ATP8B1: variants seen among roughly 807,000 people sequenced by gnomAD.
The protein encoded by ATP8B1 is ATPase phospholipid transporting 8B1, also known as phospholipid-transporting ATPase IC.
Under a neutral mutation model 149.9 loss-of-function variants are expected in ATP8B1, and 80 were observed. That is an observed-to-expected ratio of 0.53 (90% CI 0.45 to 0.64). The LOEUF (loss-of-function observed/expected upper bound fraction) is 0.64. Among genes scored for constraint, ATP8B1 ranks in the 30% least tolerant of loss-of-function variants. The pLI, the probability that ATP8B1 is intolerant of heterozygous loss-of-function variation, is 0.00. For synonymous variants in ATP8B1, 536 were observed against 562.8 expected (o/e 0.95, Z 0.67); for missense variants, 1,247 against 1,552.6 (o/e 0.80, Z 3.31).
intron 16 of ATP8B1, among the ~76,000 whole-genome samples, chr18:57,672,980 CATATATAAATACATGT>C (rs1359761643): frequency 7.1e-5 from 3 of 42,404 alleles, no homozygotes; most frequent in East Asian, 1.4e-3. Flanking sequence ...TATATACACA[CATATATAAATACATGT>C]ATATATAAAT....
chr18:57,734,935 CCAAT>C (rs2079831770), intron 1 of ATP8B1, among the ~76,000 whole-genome samples: 1 of 152,150 alleles, frequency 6.6e-6, no homozygotes, highest in African/African-American at 2.4e-5. Flanking sequence ...TCACACCTGA[CCAAT>C]CAGAGAGCTC....
intron 2 of ATP8B1, among the ~76,000 whole-genome samples, chr18:57,724,647 T>C (rs2079686167): frequency 6.8e-6 from 1 of 148,064 alleles, no homozygotes; most frequent in Admixed American, 6.7e-5. Context: ...TTTTACACTG[T>C]TGGTGGGACT....
chr18:57,664,375 C>T (rs412615), intron 20 of ATP8B1, among the ~76,000 whole-genome samples: 59,555 of 150,714 alleles, frequency 0.4, 12,135 homozygotes, highest in East Asian at 0.66. Flanking sequence ...GGCGTGGTGG[C>T]GGTGCCTGTA....
intron 2 of ATP8B1, 91 bp downstream of exon 2, chr18:57,731,536 C>A (rs972949830): frequency 2.8e-6 from 4 of 1,436,874 alleles, no homozygotes; most frequent in Non-Finnish European, 3.9e-6. Context: ...TCCTAGACCA[C>A]GCAAAATAGA....
chr18:57,795,695 AC>A (rs2080508652), intron 1 of ATP8B1, among the ~76,000 whole-genome samples: 1 of 152,162 alleles, frequency 6.6e-6, no homozygotes, highest in South Asian at 2.1e-4. Context: ...GGTTACAGGG[AC>A]CAGGAAATAG....
chr18:57,701,718 C>T (rs1360427128), intron 4 of ATP8B1, among the ~76,000 whole-genome samples: 6 of 147,646 alleles, frequency 4.1e-5, no homozygotes, highest in Middle Eastern at 3.5e-3. Context: ...TTTTTTGAGA[C>T]AGAGTCTCCC....
chr18:57,656,776 G>T (rs1186085464), intron 22 of ATP8B1, among the ~76,000 whole-genome samples: 1 of 149,300 alleles, frequency 6.7e-6, no homozygotes, highest in South Asian at 2.2e-4. Context: ...GGGAGAGAAT[G>T]GGGGGAGAGA....
chr18:57,706,693 C>G (rs761644750), intron 2 of ATP8B1, 106 bp from the exon 3 acceptor site: 8 of 909,714 alleles, frequency 8.8e-6, no homozygotes, highest in Non-Finnish European at 1.2e-5. Context: ...AACCTCCATC[C>G]CTCAGAATGT....
chr18:57,770,611 AG>A, intron 1 of ATP8B1, among the ~76,000 whole-genome samples: 1 of 152,322 alleles, frequency 6.6e-6, no homozygotes, highest in South Asian at 2.1e-4. Flanking sequence ...AATGGGATAG[AG>A]GAGAAGGAGA....
At chr18:57,764,757 CAAAAA>C (rs71171091) in intron 1 of ATP8B1, among the ~76,000 whole-genome samples, 2,202 of 104,180 alleles carry the variant, frequency 0.021, 62 homozygotes, top group African/African-American at 0.072. Flanking sequence ...TTTCAGTTGT[CAAAAA>C]AAAAAAAAAA....
intron 23 of ATP8B1, 118 bp downstream of exon 23, chr18:57,655,076 A>C: frequency 1.1e-6 from 1 of 908,774 alleles, no homozygotes; most frequent in East Asian, 2.6e-5. Context: ...CCCAACTGTA[A>C]GGAGACACAG....
chr18:57,679,993 T>C (rs1334838393), intron 15 of ATP8B1, among the ~76,000 whole-genome samples: 1 of 151,058 alleles, frequency 6.6e-6, no homozygotes, highest in African/African-American at 2.4e-5. Flanking sequence ...ATAAACTACC[T>C]GGCCAGGCAT....
chr18:57,752,207 A>AAATAATAATACTAAT (rs1555653244), intron 1 of ATP8B1, among the ~76,000 whole-genome samples: 1 of 138,308 alleles, frequency 7.2e-6, no homozygotes, highest in Non-Finnish European at 1.5e-5. Flanking sequence ...ACCCTGTCTC[A>AAATAATAATACTAAT]AATAATAATA....
chr18:57,667,735 T>C (rs1352848115), intron 19 of ATP8B1: 1 of 179,174 alleles, frequency 5.6e-6, no homozygotes, highest in Non-Finnish European at 1.2e-5. Context: ...ACTCTGTTAT[T>C]GGCGGGGGGC....
intron 15 of ATP8B1, among the ~76,000 whole-genome samples, chr18:57,677,908 A>C (rs1169944229): frequency 6.6e-6 from 1 of 152,178 alleles, no homozygotes; most frequent in Non-Finnish European, 1.5e-5. Flanking sequence ...CACAAGTAAG[A>C]CACTCATATC....
Position 57,684,082 on chromosome 18 carries a change from G to A in ATP8B1, c.1584C>T (p.Phe528=). ...SGKEPEVRQF[F]FLLAVCHTVM... ...CTGTGTGGCAAACTGCGAGCAAGAA[G>A]AAGAACTGTCGTACTTCTGGCTCTT... The change falls in exon 15 of 28, where the codon TTC becomes TTT. Residue 528 remains phenylalanine (F), a synonymous_variant. Coordinates refer to ENST00000648908, the MANE Select transcript of ATP8B1 (RefSeq NM_001374385.1). 6.2e-7 allele frequency: 1 copy of A among 1,614,104 alleles called. No individual in the cohort carries two copies. The highest frequency in any genetic ancestry group is 8.5e-7 in the Non-Finnish European group (1 of 1,180,014).
intron 1 of ATP8B1, among the ~76,000 whole-genome samples, chr18:57,741,380 C>T (rs552181536): frequency 6.6e-6 from 1 of 152,350 alleles, no homozygotes; most frequent in Non-Finnish European, 1.5e-5. Context: ...TATGGAGAGG[C>T]TCACATGGCA....
chr18:57,668,992 C>T (rs369751758), intron 18 of ATP8B1: 18 of 214,672 alleles, frequency 8.4e-5, no homozygotes, highest in African/African-American at 2.3e-4. Flanking sequence ...TGAATTGTTT[C>T]GGTAATTCCC....
At chr18:57,684,693 A>G (rs1387492077) in intron 14 of ATP8B1, among the ~76,000 whole-genome samples, 2 of 152,136 alleles carry the variant, frequency 1.3e-5, no homozygotes, top group African/African-American at 4.8e-5. Context: ...CCCCCAAAAG[A>G]TATGTTGAAA....
Sources: allele counts gnomAD v4.1 joint callset (sites outside exome capture counted in the v4.1 genomes callset), GRCh38; gene constraint gnomAD v4.1.1; transcripts MANE v1.5; gene names NCBI Gene and HGNC (gene_info 2026-07-23, HGNC 2026-07-21).